The following KHDC1 variants were observed in gnomAD, a reference collection of about 807,000 sequenced individuals.
KHDC1 encodes KH domain containing 1, also known as KH homology domain-containing protein 1.
Under a neutral mutation model 24.7 loss-of-function variants are expected in KHDC1, and 21 were observed. The ratio of observed to expected loss-of-function variants is 0.85; its 90% CI spans 0.60 to 1.23. The LOEUF is 1.23. Ranked by LOEUF, KHDC1 falls within the 50% of genes most tolerant of loss-of-function variation. The pLI, the probability that KHDC1 is intolerant of heterozygous loss-of-function variation, is 0.00. For missense variants in KHDC1, 274 were observed against 298.5 expected (o/e 0.92, Z 0.61); for synonymous variants, 98 against 111.7 (o/e 0.88, Z 0.77).
chr6:73,263,356 G>A (rs1244173517), intron 2 of KHDC1, 160 bp from the exon 1 acceptor site: 2 of 889,558 alleles, frequency 2.2e-6, no homozygotes, highest in Non-Finnish European at 2.7e-6. Context: ...GAGGAGGGAC[G>A]AGCCAGTGGC....
At chr6:73,300,739 G>A (rs1767858748) in intron 1 of KHDC1, 1 of 152,186 alleles carries the variant, frequency 6.6e-6, no homozygotes, top group Non-Finnish European at 1.5e-5. Context: ...AATACTGGAA[G>A]TGGAAAAAAC....
Position 73,298,423 on chromosome 6 carries a change from A to AT in KHDC1, c.164-6384dup, listed in dbSNP as rs370446904. 2.7e-4 allele frequency among the ~76,000 whole-genome samples: 16 copies of AT among 59,974 alleles called. 1 individual carries two copies. The highest frequency in any genetic ancestry group is 1.1e-3 in the African/African-American group (15 of 13,290). 39.3% of individuals were successfully genotyped at this position (59,974 alleles called of 152,430 possible). Reference sequence around the variant, plus strand: ...CCTGGAAGGACTCTATACTTTGCAAATTTTTTTTTTTTTTTTTTTTTTTTT... The same window carrying AT: ...CCTGGAAGGACTCTATACTTTGCAAATTTTTTTTTTTTTTTTTTTTTTTTTT... On this transcript the variant is annotated intron_variant, in intron 1 of 4. Coordinates refer to ENST00000370384, the Ensembl canonical transcript of KHDC1.
At chr6:73,282,184 C>G (rs1767427305) in intron 2 of KHDC1, among the ~76,000 whole-genome samples, 1 of 141,254 alleles carries the variant, frequency 7.1e-6, no homozygotes, top group Non-Finnish European at 1.5e-5. Flanking sequence ...CACCACTGCA[C>G]TCCAGCCCAA....
intron 2 of KHDC1, chr6:73,263,153 C>T (rs1419458256): frequency 6.1e-6 from 6 of 987,872 alleles, no homozygotes; most frequent in South Asian, 9.0e-5. Flanking sequence ...TTCCAGGGGT[C>T]CCGGCTCGCG....
intron 2 of KHDC1, among the ~76,000 whole-genome samples, chr6:73,281,751 T>G (rs535184761): frequency 9.9e-5 from 15 of 152,176 alleles, no homozygotes; most frequent in Non-Finnish European, 2.1e-4. Flanking sequence ...TATTCTGATT[T>G]CCTTAGTTTT....
intron 2 of KHDC1, among the ~76,000 whole-genome samples, chr6:73,256,641 C>G (rs142756366): frequency 6.6e-6 from 1 of 152,220 alleles, no homozygotes; most frequent in Non-Finnish European, 1.5e-5. Context: ...ATTTTCTTCT[C>G]AGCCAAATAT....
chr6:73,247,990 T>C (rs936955920), intron 2 of KHDC1, among the ~76,000 whole-genome samples: 3 of 151,958 alleles, frequency 2.0e-5, no homozygotes, highest in African/African-American at 2.4e-5. Context: ...CAGGTGGCCC[T>C]GGGAAAACAC....
At chr6:73,269,454 C>G (rs1767142599) in intron 2 of KHDC1, 1 of 152,722 alleles carries the variant, frequency 6.5e-6, no homozygotes, top group Non-Finnish European at 1.5e-5. Context: ...GGGTCTCAAA[C>G]TCCCAACCTC....
chr6:73,242,101 G>A lies in KHDC1; in HGVS notation c.468C>T (p.His156=), dbSNP rs1766581936. Residue 156 remains histidine, a synonymous_variant, in exon 4 of 5, where the codon CAC becomes CAT. Transcript: ENST00000370384. Reference sequence around the variant, plus strand: ...CCTGGCTCCCCACACAACAAAACATGTGCAGCAGCCACTGCCTTGCCCTGT... The same window carrying A: ...CCTGGCTCCCCACACAACAAAACATATGCAGCAGCCACTGCCTTGCCCTGT... The A allele has an allele frequency of 5.6e-6, 9 of 1,614,074 alleles. 1 individual carries two copies. The highest frequency in any genetic ancestry group is 6.8e-6 in the Non-Finnish European group (8 of 1,179,986).
chr6:73,304,261 C>T (rs191300805), intron 1 of KHDC1, among the ~76,000 whole-genome samples: 1 of 152,090 alleles, frequency 6.6e-6, no homozygotes, highest in East Asian at 1.9e-4. Context: ...TATTGAAACA[C>T]TGTGATTTTT....
chr6:73,281,165 C>A (rs568876856), intron 2 of KHDC1, among the ~76,000 whole-genome samples: 15 of 152,194 alleles, frequency 9.9e-5, no homozygotes, highest in African/African-American at 3.6e-4. Flanking sequence ...CATGGAGAAA[C>A]CTTGTCTCTA....
chr6:73,280,664 G>A (rs192106263), intron 2 of KHDC1, among the ~76,000 whole-genome samples: 6 of 151,736 alleles, frequency 4.0e-5, no homozygotes, highest in African/African-American at 1.4e-4. Context: ...GGGATTACAG[G>A]CATGCACCAC....
chr6:73,261,630 T>G (rs994559776), intron 2 of KHDC1, among the ~76,000 whole-genome samples: 1 of 147,422 alleles, frequency 6.8e-6, no homozygotes. Flanking sequence ...AAAAAAAAAA[T>G]AGGCTGGGAG....
intron 2 of KHDC1, among the ~76,000 whole-genome samples, chr6:73,253,310 C>A (rs1437427105): frequency 6.6e-6 from 1 of 152,134 alleles, no homozygotes; most frequent in African/African-American, 2.4e-5. Flanking sequence ...AATCCCAGCA[C>A]TTTGGGAGGC....
Position 73,260,881 on chromosome 6 carries a change from C to T in KHDC1, c.207-18351G>A, listed in dbSNP as rs564337741. On this transcript the variant is annotated intron_variant, in intron 2 of 4. Transcript: ENST00000370384. ...CTTCTTCATCTATTGTCTATTTATA[C>T]ATTTGCCCATTTCTCTGTAGGGTTG... Among the ~76,000 whole-genome samples the T allele has an allele frequency of 9.1e-4, 138 of 152,234 alleles. 2 individuals are homozygous for T. The highest frequency in any genetic ancestry group is 1.7e-3 in the Admixed American group (26 of 15,284).
At chr6:73,263,325 G>C (rs1400324793) in intron 2 of KHDC1, 129 bp from the exon 1 acceptor site, 1 of 974,674 alleles carries the variant, frequency 1.0e-6, no homozygotes, top group Non-Finnish European at 1.2e-6. Context: ...AGCAGCTCTT[G>C]AGTCCAGGAA....
chr6:73,298,562 A>C (rs1767805811), intron 1 of KHDC1, among the ~76,000 whole-genome samples: 1 of 148,622 alleles, frequency 6.7e-6, no homozygotes, highest in African/African-American at 2.5e-5. Context: ...CAGCCTCCCG[A>C]GTAGCTGGGA....
At chr6:73,296,209 C>T (rs12526214) in intron 1 of KHDC1, among the ~76,000 whole-genome samples, 23,501 of 151,580 alleles carry the variant, frequency 0.16, 2,180 homozygotes, top group African/African-American at 0.26. Context: ...AATCCTAGCA[C>T]TTTGGGAGGC....
chr6:73,279,270 A>G (rs1767359176), intron 2 of KHDC1, among the ~76,000 whole-genome samples: 1 of 152,140 alleles, frequency 6.6e-6, no homozygotes, highest in African/African-American at 2.4e-5. Context: ...TTAGCCAGGC[A>G]TAGTGGCGCA....
Sources: allele counts gnomAD v4.1 joint callset (sites outside exome capture counted in the v4.1 genomes callset), GRCh38; gene constraint gnomAD v4.1.1; transcripts MANE v1.5; gene names NCBI Gene and HGNC (gene_info 2026-07-23, HGNC 2026-07-21).